The following STXBP4 variants were observed in gnomAD, a reference collection of about 807,000 sequenced individuals.
STXBP4 encodes syntaxin-binding protein 4.
Under a neutral mutation model 76.1 loss-of-function variants are expected in STXBP4, and 55 were observed. The ratio of observed to expected loss-of-function variants is 0.72; its 90% confidence interval spans 0.58 to 0.91. The LOEUF (loss-of-function observed/expected upper bound fraction) is 0.91, where lower values mean the gene tolerates loss of function less well. STXBP4 is among the 40% of genes least tolerant of loss of function. The probability of loss-of-function intolerance (pLI) is 0.00; values close to 1 mark genes in which losing one functional copy is unlikely to be tolerated. For missense variants in STXBP4, 618 were observed against 636.9 expected, an observed-to-expected ratio of 0.97 and a Z score of 0.32; for synonymous variants, 201 against 220.2, an observed-to-expected ratio of 0.91 and a Z score of 0.77.
intron 16 of STXBP4, among the ~76,000 whole-genome samples, chr17:55,085,454 A>G (rs556929284): frequency 1.3e-5 from 2 of 152,142 alleles, no homozygotes; most frequent in African/African-American, 4.8e-5. Context: ...AATATATGGC[A>G]TATTAGTAGA....
At chr17:55,052,916 CGTGTGT>C (rs59163531) in intron 12 of STXBP4, among the ~76,000 whole-genome samples, 3,878 of 95,620 alleles carry the variant, frequency 0.041, 261 homozygotes, top group African/African-American at 0.14. Context: ...ACGTGTATGA[CGTGTGT>C]GTGTGTGTGT....
At chr17:55,154,418 G>A (rs2080254255) in intron 17 of STXBP4, among the ~76,000 whole-genome samples, 1 of 152,142 alleles carries the variant, frequency 6.6e-6, no homozygotes, top group Non-Finnish European at 1.5e-5. Context: ...ACTGCCAACA[G>A]GTATATGAAA....
Position 55,091,891 on chromosome 17 carries a change from A to C in STXBP4, c.1489+10708A>C, listed in dbSNP as rs563273403. Among the ~76,000 whole-genome samples, 4 of 152,352 alleles carry C rather than the reference A, an allele frequency of 2.6e-5. No individual in the cohort carries two copies. In the East Asian group the frequency reaches 7.7e-4, roughly 29 times the overall value. On this transcript the variant is annotated intron_variant, in intron 16 of 17. Transcript: ENST00000376352. ...GTAAAAGGTGCTTATGAAACAAATGAATTGTATGTTGTAGTCTTGGGTCCC... is the reference window on the plus strand; with the variant it reads ...GTAAAAGGTGCTTATGAAACAAATGCATTGTATGTTGTAGTCTTGGGTCCC...
At chr17:55,104,171 G>A (rs930118540) in intron 16 of STXBP4, among the ~76,000 whole-genome samples, 1 of 152,108 alleles carries the variant, frequency 6.6e-6, no homozygotes, top group Non-Finnish European at 1.5e-5. Flanking sequence ...ATGTTGAATG[G>A]GGTGGTGAGA....
intron 10 of STXBP4, among the ~76,000 whole-genome samples, chr17:55,036,505 T>G (rs570246539): frequency 9.2e-5 from 14 of 151,800 alleles, no homozygotes; most frequent in Non-Finnish European, 1.9e-4. Flanking sequence ...TATATTTACC[T>G]TATATCTTAC....
At chr17:55,027,314 C>T (rs2078433661) in intron 8 of STXBP4, among the ~76,000 whole-genome samples, 1 of 152,142 alleles carries the variant, frequency 6.6e-6, no homozygotes, top group South Asian at 2.1e-4. Flanking sequence ...TTGTGGGAAC[C>T]CTATGGCCCT....
At chr17:55,121,886 G>A (rs904370497) in intron 16 of STXBP4, among the ~76,000 whole-genome samples, 14 of 151,950 alleles carry the variant, frequency 9.2e-5, no homozygotes, top group African/African-American at 3.4e-4. Flanking sequence ...AGCACTGGGG[G>A]CTTTTTACGC....
chr17:55,126,165 T>C (rs1182991776), intron 16 of STXBP4, among the ~76,000 whole-genome samples: 2 of 152,178 alleles, frequency 1.3e-5, no homozygotes, highest in Non-Finnish European at 2.9e-5. Context: ...AGTATAATGT[T>C]TATAATTTCC....
intron 17 of STXBP4, among the ~76,000 whole-genome samples, chr17:55,154,520 T>G (rs898561405): frequency 1.3e-5 from 2 of 152,190 alleles, no homozygotes; most frequent in African/African-American, 4.8e-5. Flanking sequence ...TAGGACATGT[T>G]CTTTGTTTTT....
chr17:55,078,183 C>T lies in STXBP4; in HGVS notation c.1294C>T (p.His432Tyr), dbSNP rs115990000. 1.6e-5 allele frequency: 25 copies of T among 1,606,266 alleles called. No individual in the cohort carries two copies. The East Asian group carries it at 4.0e-4, about 26-fold the overall frequency. The change falls in exon 14 of 18, where the codon CAT becomes TAT. Residue 432 changes from histidine to tyrosine, a missense_variant. His to Tyr is a moderately conservative substitution (Grantham distance 83). Transcript: ENST00000376352. ...TFEASTEKLLHFVEAIQEVFS... is the reference protein window; with the variant it reads ...TFEASTEKLLYFVEAIQEVFS... ...TGAGGCATCCACTGAAAAGCTTCTT[C>T]ATTTTGTAGAGGTAAGTTTTTCTGT...
Position 54,990,038 on chromosome 17 carries a change from C to T in STXBP4, c.48-787C>T, listed in dbSNP as rs146806419. Among the ~76,000 whole-genome samples, 398 of 152,264 alleles carry T rather than the reference C, an allele frequency of 2.6e-3. 3 individuals carry two copies. Among genetic ancestry groups the T allele is most frequent in the African/African-American group, 9.1e-3 (380 of 41,542 alleles). On this transcript the variant is annotated intron_variant, in intron 3 of 17. Coordinates refer to ENST00000376352, the MANE Select transcript of STXBP4 (RefSeq NM_178509.6). ...TAACCAGGTAAAAGCAAATCTTTTC[C>T]GTCGCCTTTAATACATTTTTGTCCT...
intron 12 of STXBP4, among the ~76,000 whole-genome samples, chr17:55,061,441 A>G (rs1160942408): frequency 6.6e-6 from 1 of 152,146 alleles, no homozygotes; most frequent in African/African-American, 2.4e-5. Context: ...TTAAGATGCT[A>G]TCTCATCTTC....
the STXBP4 span, among the ~76,000 whole-genome samples, chr17:55,211,799 GTTTT>G: frequency 6.1e-5 from 3 of 48,978 alleles, no homozygotes; most frequent in Middle Eastern, 0.021. Context: ...GTTTTTTGTT[GTTTT>G]TTTTTTTTTT....
intron 13 of STXBP4, among the ~76,000 whole-genome samples, chr17:55,077,591 G>A (rs1489085929): frequency 6.6e-6 from 1 of 151,920 alleles, no homozygotes; most frequent in African/African-American, 2.4e-5. Flanking sequence ...AACAAATAAT[G>A]CTTCAGTGCT....
At chr17:55,185,756 G>A in the STXBP4 span, among the ~76,000 whole-genome samples, 1 of 152,196 alleles carries the variant, frequency 6.6e-6, no homozygotes, top group Non-Finnish European at 1.5e-5. Context: ...AGAGGAGACA[G>A]ACTCAACGCA....
intron 7 of STXBP4, among the ~76,000 whole-genome samples, chr17:55,001,740 C>G (rs922180778): frequency 1.3e-5 from 2 of 152,168 alleles, no homozygotes; most frequent in African/African-American, 2.4e-5. Context: ...TCACGCCATT[C>G]TCCTGCCTCA....
the STXBP4 span, among the ~76,000 whole-genome samples, chr17:55,194,760 C>A: frequency 4.6e-5 from 7 of 152,086 alleles, no homozygotes; most frequent in Non-Finnish European, 8.8e-5. Flanking sequence ...AAATGTCAGG[C>A]CTTTTATATT....
At chr17:55,016,439 T>C (rs954971185) in intron 8 of STXBP4, among the ~76,000 whole-genome samples, 1 of 152,202 alleles carries the variant, frequency 6.6e-6, no homozygotes. Flanking sequence ...ATAGTTCTTA[T>C]GCAAATTCGT....
intron 16 of STXBP4, among the ~76,000 whole-genome samples, chr17:55,092,966 TTTTTTTG>T (rs61710751): frequency 0.3 from 44,925 of 151,158 alleles, 6,928 homozygotes; most frequent in African/African-American, 0.35. Flanking sequence ...AAAAAAACAT[TTTTTTTG>T]TTTTTTGTTT....
Sources: allele counts gnomAD v4.1 joint callset (sites outside exome capture counted in the v4.1 genomes callset), GRCh38; gene constraint gnomAD v4.1.1; transcripts MANE v1.5; gene names NCBI Gene and HGNC (gene_info 2026-07-23, HGNC 2026-07-21).